The following PGGT1B variants were observed in gnomAD, a reference collection of about 807,000 sequenced individuals.
PGGT1B encodes the protein geranylgeranyl transferase type-1 subunit beta.
A neutral mutation model predicts 46.1 loss-of-function variants in PGGT1B; 30 were observed. The observed-to-expected ratio is 0.65, with a 90% CI of 0.49 to 0.88. PGGT1B has a LOEUF of 0.88. PGGT1B is among the 40% of genes least tolerant of loss of function. The pLI, the probability that PGGT1B is intolerant of heterozygous loss-of-function variation, is 0.00. For synonymous variants in PGGT1B, 170 were observed against 160.0 expected (o/e 1.06, Z -0.47); for missense variants, 376 against 455.9 (o/e 0.82, Z 1.60).
In PGGT1B at chr5:115,238,022, T is replaced by G; in HGVS notation, c.328-13A>C. ...CTGTTCCAGGAGCCTAAATACAAAA[T>G]TAATATAGTACTAATTAATGAAGTG... On this transcript the variant is annotated splice_polypyrimidine_tract_variant and intron_variant, in intron 3 of 8. Transcript: ENST00000419445. 1 of 1,571,330 alleles carries G rather than the reference T, an allele frequency of 6.4e-7. No homozygotes were observed. The highest frequency in any genetic ancestry group is 1.4e-5 in the African/African-American group (1 of 73,174).
chr5:115,250,199 C>T (rs924173410), intron 2 of PGGT1B, among the ~76,000 whole-genome samples: 7 of 152,054 alleles, frequency 4.6e-5, no homozygotes, highest in African/African-American at 1.7e-4. Flanking sequence ...TGTTATAATT[C>T]CCTAGATTTT....
intron 3 of PGGT1B, among the ~76,000 whole-genome samples, chr5:115,238,463 T>C (rs1318605719): frequency 1.3e-5 from 2 of 151,806 alleles, no homozygotes; most frequent in Admixed American, 6.6e-5. Context: ...CAAACCACCA[T>C]GCCTGGCTAA....
rs1241342333 is a variant in PGGT1B at position 115,208,337 on chromosome 5, A to G, written c.*4065T>C. 6.6e-6 allele frequency: 1 copy of G among 151,890 alleles called. No homozygotes were observed. 9.4% of individuals were successfully genotyped at this position (151,890 alleles called of 1,614,324 possible). A position where few individuals can be genotyped will look rare whatever the true frequency, so the allele number is the denominator to read the frequency against. ...GTTTAAGCAAGAATGGGATTATTTA[A>G]TCTTAAAAGGTTTGGTAGAAATCCC... On this transcript the variant is annotated 3_prime_UTR_variant, in exon 9 of 9. Transcript: ENST00000419445.
intron 3 of PGGT1B, among the ~76,000 whole-genome samples, chr5:115,241,015 G>T (rs1757331059): frequency 6.6e-6 from 1 of 152,126 alleles, no homozygotes; most frequent in South Asian, 2.1e-4. Context: ...AAGGCCTTTG[G>T]ATATAACCAT....
At chr5:115,241,403 T>C (rs1235433189) in intron 3 of PGGT1B, 136 bp downstream of exon 3, 2 of 450,444 alleles carry the variant, frequency 4.4e-6, no homozygotes, top group South Asian at 7.2e-5. Context: ...GTTTATAATA[T>C]ATATATATTA....
chr5:115,253,343 T>A, intron 1 of PGGT1B, 88 bp from the exon 2 acceptor site: 1 of 1,105,418 alleles, frequency 9.0e-7, no homozygotes, highest in Non-Finnish European at 1.3e-6. Context: ...ATAAAATCAT[T>A]CTAATTTTCC....
rs1474435324 is a variant in PGGT1B at position 115,208,370 on chromosome 5, C to T, written c.*4032G>A. The stretch of plus-strand genomic sequence containing the variant: ...AGGTTTGGTAGAAATCCCCTTGAAA[C>T]AATCTGGGCTTGATGCTTCTTTTGG... On this transcript the variant is annotated 3_prime_UTR_variant, in exon 9 of 9. Transcript: ENST00000419445. 2 of 151,848 alleles carry T rather than the reference C, an allele frequency of 1.3e-5. No individual in the cohort carries two copies. The highest frequency in any genetic ancestry group is 3.9e-4 in the East Asian group (2 of 5,184). The allele number at this position is 151,848 out of a possible 1,614,324, so 9.4% of individuals were successfully genotyped here. A position where few individuals can be genotyped will look rare whatever the true frequency, so the allele number is the denominator to read the frequency against.
chr5:115,256,305 T>C (rs1188086879), intron 1 of PGGT1B, among the ~76,000 whole-genome samples: 3 of 152,206 alleles, frequency 2.0e-5, no homozygotes, highest in Non-Finnish European at 4.4e-5. Context: ...TGAGAAAACC[T>C]GCTTTAAGGT....
intron 8 of PGGT1B, among the ~76,000 whole-genome samples, chr5:115,215,400 G>A (rs1165902367): frequency 6.6e-6 from 1 of 152,142 alleles, no homozygotes; most frequent in African/African-American, 2.4e-5. Flanking sequence ...CCAGGTTCAG[G>A]CAATTCTTCT....
intron 2 of PGGT1B, among the ~76,000 whole-genome samples, chr5:115,250,246 G>A (rs1458559678): frequency 6.6e-6 from 1 of 152,170 alleles, no homozygotes. Flanking sequence ...ACAGACCTAT[G>A]AGTTGCAGAA....
At chr5:115,248,221 T>C (rs533049344) in intron 2 of PGGT1B, among the ~76,000 whole-genome samples, 1 of 152,030 alleles carries the variant, frequency 6.6e-6, no homozygotes, top group Non-Finnish European at 1.5e-5. Context: ...AGTCTCTGAG[T>C]TCCCATGAGA....
chr5:115,212,665 G>T, intron 8 of PGGT1B, 82 bp from the exon 9 acceptor site: 2 of 875,260 alleles, frequency 2.3e-6, no homozygotes, highest in Non-Finnish European at 1.7e-6. Flanking sequence ...ATATTTACCA[G>T]CCCATCACTC....
chr5:115,236,466 G>A lies in PGGT1B; in HGVS notation c.536C>T (p.Ser179Phe). The A allele has an allele frequency of 6.3e-7, 1 of 1,587,986 alleles. No individual in the cohort carries two copies. The highest frequency in any genetic ancestry group is 8.6e-7 in the Non-Finnish European group (1 of 1,169,306). The change falls in exon 5 of 9, where the codon TCC becomes TTC. Residue 179 changes from serine to phenylalanine, a missense_variant. Ser to Phe is a radical substitution (Grantham distance 155). Around this residue, in one of 2 missense-constraint regions of PGGT1B, gnomAD observed 222 missense variants for 313.6 expected, o/e 0.71. Coordinates refer to ENST00000419445, the MANE Select transcript of PGGT1B (RefSeq NM_005023.4). ...ENDMRFVYCA[S>F]CICYMLNNWS... ...GTTGTTGAGCATATAGCAAATACAGGAAGCACAGTACACAAATCGCATGTC... is the reference window on the plus strand; with the variant it reads ...GTTGTTGAGCATATAGCAAATACAGAAAGCACAGTACACAAATCGCATGTC...
chr5:115,241,643 T>C, intron 2 of PGGT1B, 37 bp from the exon 3 acceptor site: 1 of 1,480,748 alleles, frequency 6.8e-7, no homozygotes, highest in Non-Finnish European at 9.3e-7. Context: ...TAAAGTACAC[T>C]TTATTTTTGC....
intron 2 of PGGT1B, among the ~76,000 whole-genome samples, chr5:115,252,410 G>C (rs980227908): frequency 6.6e-6 from 1 of 151,810 alleles, no homozygotes; most frequent in Non-Finnish European, 1.5e-5. Context: ...CACTGGATGA[G>C]ATTTACATAT....
chr5:115,247,382 C>T (rs886514483), intron 2 of PGGT1B, among the ~76,000 whole-genome samples: 20 of 152,072 alleles, frequency 1.3e-4, no homozygotes, highest in African/African-American at 4.8e-4. Context: ...TATCACCATA[C>T]TATTAATGAT....
intron 6 of PGGT1B, among the ~76,000 whole-genome samples, chr5:115,226,295 T>C (rs2127000072): frequency 6.6e-6 from 1 of 152,268 alleles, no homozygotes; most frequent in East Asian, 1.9e-4. Context: ...TTCAAATTTC[T>C]GATTTCTAGA....
rs921839314 is a variant in PGGT1B, at chr5:115,206,753, T to C, written c.*5649A>G. 4.6e-5 allele frequency: 7 copies of C among 151,626 alleles called. No individual in the cohort carries two copies. The highest frequency in any genetic ancestry group is 1.0e-4 in the Non-Finnish European group (7 of 67,946). 9.4% of individuals were successfully genotyped at this position (151,626 alleles called of 1,614,324 possible). ...TGCATGTTTCTTTATGCTAAATCTA[T>C]AGATAGAGAGTATCTGGGCCAAAAA... On this transcript the variant is annotated 3_prime_UTR_variant, in exon 9 of 9. Transcript: ENST00000419445.
intron 1 of PGGT1B, among the ~76,000 whole-genome samples, chr5:115,256,590 G>C (rs1490463385): frequency 1.3e-5 from 2 of 152,142 alleles, no homozygotes; most frequent in African/African-American, 4.8e-5. Flanking sequence ...AGAAATGCTT[G>C]GCAGACAGAA....
Sources: gnomAD v4.1 joint callset for allele counts (sites outside exome capture counted in the v4.1 genomes callset) on GRCh38, gnomAD v4.1.1 for gene constraint, gnomAD v4.1.1 regional missense constraint, MANE v1.5 for transcripts, NCBI Gene and HGNC (gene_info 2026-07-23, HGNC 2026-07-21) for gene names.